CHRM3: variants seen among roughly 807,000 people sequenced by gnomAD.
CHRM3 encodes the protein muscarinic acetylcholine receptor M3.
Under a neutral mutation model 41.8 loss-of-function variants are expected in CHRM3, and 11 were observed. The observed-to-expected ratio is 0.26, with a 90% CI of 0.17 to 0.44. The LOEUF is 0.44. Among genes scored for constraint, CHRM3 ranks in the 20% least tolerant of loss-of-function variants. CHRM3 has a pLI of 1.00. For synonymous variants in CHRM3, 297 were observed against 301.4 expected, an observed-to-expected ratio of 0.99 and a Z score of 0.15; for missense variants, 571 against 745.4, an observed-to-expected ratio of 0.77 and a Z score of 2.72.
At chr1:239,491,625 G>A (rs962557543) in intron 1 of CHRM3, among the ~76,000 whole-genome samples, 1 of 152,156 alleles carries the variant, frequency 6.6e-6, no homozygotes. Flanking sequence ...TGGCTATTGT[G>A]AATAGTGCCA....
intron 5 of CHRM3, among the ~76,000 whole-genome samples, chr1:239,771,929 C>T (rs944273345): frequency 3.3e-5 from 5 of 152,154 alleles, no homozygotes; most frequent in Non-Finnish European, 5.9e-5. Flanking sequence ...ACAAAAATAT[C>T]CTCTATTTCT....
intron 5 of CHRM3, among the ~76,000 whole-genome samples, chr1:239,692,600 G>A (rs1027388706): frequency 3.7e-4 from 57 of 152,274 alleles, no homozygotes; most frequent in South Asian, 6.2e-4. Context: ...GGGTTTGCAG[G>A]ATAATCACAA....
At chr1:239,769,880 C>CAA (rs879934676) in intron 5 of CHRM3, among the ~76,000 whole-genome samples, 2 of 136,648 alleles carry the variant, frequency 1.5e-5, no homozygotes, top group Admixed American at 7.3e-5. Flanking sequence ...GACTCTGTCT[C>CAA]AAAAAAAAAA....
At chr1:239,826,450 T>C (rs1672470268) in intron 5 of CHRM3, among the ~76,000 whole-genome samples, 1 of 152,172 alleles carries the variant, frequency 6.6e-6, no homozygotes, top group Admixed American at 6.5e-5. Context: ...TTCTTCAGCA[T>C]CAGTGCATCT....
intron 4 of CHRM3, among the ~76,000 whole-genome samples, chr1:239,641,955 G>A (rs1573082253): frequency 2.4e-5 from 3 of 127,170 alleles, no homozygotes; most frequent in Middle Eastern, 7.8e-3. Context: ...TTTTAGGGCA[G>A]GCCTGGTGGT....
intron 3 of CHRM3, among the ~76,000 whole-genome samples, chr1:239,549,083 C>G (rs1278050792): frequency 6.6e-6 from 1 of 152,088 alleles, no homozygotes; most frequent in Non-Finnish European, 1.5e-5. Flanking sequence ...TGCAGGGGAA[C>G]TCCCCCTTAT....
chr1:239,807,337 A>G (rs1376466571), intron 5 of CHRM3, among the ~76,000 whole-genome samples: 2 of 152,216 alleles, frequency 1.3e-5, no homozygotes, highest in Admixed American at 1.3e-4. Context: ...AATAATGTTT[A>G]CAGATTGGCA....
Position 239,800,792 on chromosome 1 carries a change from A to AT in CHRM3, c.-146-26454dup, listed in dbSNP as rs1369714207. 1.1e-4 allele frequency among the ~76,000 whole-genome samples: 16 copies of AT among 152,348 alleles called. 1 individual carries two copies. The South Asian group carries it at 2.1e-3, about 20-fold the overall frequency. ...CAAATATGGTGGAAGATCAAACTATATTTTTTAAAATATTTAAACAAAGAT... is the reference window on the plus strand; with the variant it reads ...CAAATATGGTGGAAGATCAAACTATATTTTTTTAAAATATTTAAACAAAGAT... On this transcript the variant is annotated intron_variant, in intron 5 of 6. Transcript: ENST00000676153.
At position 239,748,643 on chromosome 1, in the gene CHRM3, A is replaced by G. The variant is rs1014753116; in HGVS notation, c.-147+70355A>G. Among the ~76,000 whole-genome samples, 128 of 152,308 alleles carry G rather than the reference A, an allele frequency of 8.4e-4. No homozygotes were observed. The highest frequency in any genetic ancestry group is 2.9e-3 in the African/African-American group (121 of 41,568). On this transcript the variant is annotated intron_variant, in intron 5 of 6. Coordinates refer to ENST00000676153, the MANE Select transcript of CHRM3 (RefSeq NM_001375978.1). The surrounding 1 kb of genome is among the most constrained non-coding windows in gnomAD (Gnocchi z 4.3). ...TATATCTTGCTTTCTTGTTACCTCAATGTTAGGAAGGAAGGAAAGAATGGC... is the reference window on the plus strand; with the variant it reads ...TATATCTTGCTTTCTTGTTACCTCAGTGTTAGGAAGGAAGGAAAGAATGGC...
In CHRM3 at chr1:239,762,420, T is replaced by C. The variant is rs1326347350; in HGVS notation, c.-146-64832T>C. Reference sequence around the variant, plus strand: ...GACACATACTTTTTGAAATCCCCGGTTGCATAGAACAAAGTGTGTGGTACA... The same window carrying C: ...GACACATACTTTTTGAAATCCCCGGCTGCATAGAACAAAGTGTGTGGTACA... On this transcript the variant is annotated intron_variant, in intron 5 of 6. Transcript: ENST00000676153. 3.3e-5 allele frequency among the ~76,000 whole-genome samples: 5 copies of C among 152,288 alleles called. No homozygotes were observed. In the East Asian group the frequency reaches 9.7e-4, roughly 29 times the overall value.
At chr1:239,637,745 T>A (rs1181822662) in intron 4 of CHRM3, among the ~76,000 whole-genome samples, 1 of 148,678 alleles carries the variant, frequency 6.7e-6, no homozygotes, top group African/African-American at 2.5e-5. Flanking sequence ...TATTTCTTTG[T>A]GAATTTTCTT....
chr1:239,580,193 C>T (rs902085738), intron 3 of CHRM3, among the ~76,000 whole-genome samples: 6 of 151,734 alleles, frequency 4.0e-5, no homozygotes, highest in Admixed American at 3.9e-4. Flanking sequence ...AGTACTTTCC[C>T]TCTTGCCCCC....
intron 6 of CHRM3, among the ~76,000 whole-genome samples, chr1:239,872,784 T>C (rs1269751007): frequency 6.6e-6 from 1 of 152,182 alleles, no homozygotes; most frequent in Non-Finnish European, 1.5e-5. Context: ...TTTCAAGTAA[T>C]ATACATGCTG....
intron 1 of CHRM3, among the ~76,000 whole-genome samples, chr1:239,394,847 G>C (rs574065367): frequency 2.0e-5 from 3 of 152,182 alleles, no homozygotes; most frequent in South Asian, 4.1e-4. Flanking sequence ...ATTTCAACCT[G>C]GTCCTATGTG....
At chr1:239,889,292 T>C (rs1202215959) in intron 6 of CHRM3, among the ~76,000 whole-genome samples, 2 of 152,176 alleles carry the variant, frequency 1.3e-5, no homozygotes, top group Admixed American at 1.3e-4. Context: ...GGTGCACTAT[T>C]TGCATAGGGG....
intron 2 of CHRM3, among the ~76,000 whole-genome samples, chr1:239,529,108 C>CT (rs1404101365): frequency 6.6e-6 from 1 of 151,836 alleles, no homozygotes; most frequent in Non-Finnish European, 1.5e-5. Context: ...AAATGGTTGC[C>CT]TTTCAAGAAA....
At position 239,613,013 on chromosome 1, in the gene CHRM3, TA is replaced by T. The variant is rs1667237513; in HGVS notation, c.-312-19208del. On this transcript the variant is annotated intron_variant, in intron 3 of 6. Transcript: ENST00000676153. ...TTAATGAAAACTGCCTGGCATTAAG[TA>T]AACCCTGACTGTGTATGCTATTTTT... Among the ~76,000 whole-genome samples, 8 of 152,326 alleles carry T rather than the reference TA, an allele frequency of 5.3e-5. No individual in the cohort carries two copies. In the South Asian group the frequency reaches 1.7e-3, roughly 32 times the overall value.
chr1:239,869,083 AC>A (rs1388420779), intron 6 of CHRM3, among the ~76,000 whole-genome samples: 2 of 151,994 alleles, frequency 1.3e-5, no homozygotes, highest in Non-Finnish European at 2.9e-5. Flanking sequence ...ACGCCTAGAA[AC>A]CCTGCACCCC....
At chr1:239,462,878 A>G (rs1427885407) in intron 1 of CHRM3, among the ~76,000 whole-genome samples, 2 of 152,306 alleles carry the variant, frequency 1.3e-5, no homozygotes, top group Admixed American at 6.5e-5. Flanking sequence ...TAGAGAATCA[A>G]TTTCGGACAT....
Sources: allele counts gnomAD v4.1 joint callset (sites outside exome capture counted in the v4.1 genomes callset), GRCh38; gene constraint gnomAD v4.1.1; non-coding constraint Gnocchi (gnomAD v3.1); transcripts MANE v1.5; gene names NCBI Gene and HGNC (gene_info 2026-07-23, HGNC 2026-07-21).